The following INSYN2A variants were observed in gnomAD, a reference collection of about 807,000 sequenced individuals.
The protein encoded by INSYN2A is inhibitory synaptic factor 2A, also known as family with sequence similarity 196 member A.
Under a neutral mutation model 39.4 loss-of-function variants are expected in INSYN2A, and 17 were observed. The observed-to-expected ratio is 0.43, with a 90% CI of 0.30 to 0.65. The LOEUF is 0.65. Among genes scored for constraint, INSYN2A ranks in the 30% least tolerant of loss-of-function variants. INSYN2A has a pLI of 0.14. For synonymous variants in INSYN2A, 255 were observed against 265.7 expected, an observed-to-expected ratio of 0.96 and a Z score of 0.39; for missense variants, 595 against 631.2, an observed-to-expected ratio of 0.94 and a Z score of 0.61.
intron 5 of INSYN2A, among the ~76,000 whole-genome samples, chr10:127,151,467 G>A (rs2052477308): frequency 6.6e-6 from 1 of 152,062 alleles, no homozygotes; most frequent in African/African-American, 2.4e-5. Flanking sequence ...CCACTCCAAA[G>A]GGAGTGATTT....
rs745704190 is a variant in INSYN2A, at chr10:127,175,744, C to A, written c.652G>T (p.Glu218Ter). 1 of 1,614,066 alleles carries A rather than the reference C, an allele frequency of 6.2e-7. No homozygotes were observed. The highest frequency in any genetic ancestry group is 8.5e-7 in the Non-Finnish European group (1 of 1,180,026). The change falls in exon 4 of 6, where the codon GAA (glutamate) becomes TAA (stop). Residue 218 changes from glutamate to a stop codon, truncating the protein, a stop_gained. Coordinates refer to ENST00000522781, the MANE Select transcript of INSYN2A (RefSeq NM_001039762.3). LOFTEE classifies it high-confidence loss of function. This position sits in a 1 kb window ranked among gnomAD's most constrained non-coding sequence, Gnocchi z 6.3. ...CCGAGCAGCTGGTAATCGGGCTCTTCGGATGGAGGCCGAGTGGAGTTTTGG... is the reference window on the plus strand; with the variant it reads ...CCGAGCAGCTGGTAATCGGGCTCTTAGGATGGAGGCCGAGTGGAGTTTTGG... ...ALQNSTRPPS[E>*]EPDYQLLGRA... is the part of the protein sequence containing the mutation.
intron 5 of INSYN2A, among the ~76,000 whole-genome samples, chr10:127,144,297 A>AC (rs1028913341): frequency 2.0e-5 from 3 of 148,772 alleles, no homozygotes; most frequent in African/African-American, 7.5e-5. Context: ...AACAAAGTCC[A>AC]CCCTCCCCCC....
At chr10:127,147,395 C>A (rs759522630) in intron 5 of INSYN2A, among the ~76,000 whole-genome samples, 1 of 152,158 alleles carries the variant, frequency 6.6e-6, no homozygotes, top group East Asian at 1.9e-4. Flanking sequence ...CCTCCCTCCA[C>A]GATTATCTTG....
intron 4 of INSYN2A, among the ~76,000 whole-genome samples, chr10:127,169,255 G>A (rs566292031): frequency 7.2e-5 from 11 of 152,262 alleles, no homozygotes; most frequent in South Asian, 2.1e-4. Flanking sequence ...ACAATTAAGC[G>A]TATATTTGAA....
intron 1 of INSYN2A, among the ~76,000 whole-genome samples, chr10:127,195,523 T>TC (rs144810960): frequency 0.12 from 18,387 of 148,118 alleles, 1,356 homozygotes; most frequent in South Asian, 0.21. Context: ...TTCCAACTCA[T>TC]CCCCCCCCCG....
intron 2 of INSYN2A, among the ~76,000 whole-genome samples, chr10:127,190,409 T>A (rs1321761227): frequency 6.6e-6 from 1 of 152,182 alleles, no homozygotes; most frequent in Non-Finnish European, 1.5e-5. Flanking sequence ...CAATCAGGAT[T>A]CCCTGAGTTG....
chr10:127,141,357 G>A (rs930690892), intron 5 of INSYN2A, among the ~76,000 whole-genome samples: 5 of 152,284 alleles, frequency 3.3e-5, no homozygotes, highest in South Asian at 4.1e-4. Flanking sequence ...CTGGGTCCTA[G>A]CAGTTGCCTA....
chr10:127,180,436 A>G (rs1362508124), intron 2 of INSYN2A, among the ~76,000 whole-genome samples: 2 of 152,202 alleles, frequency 1.3e-5, no homozygotes, highest in Non-Finnish European at 2.9e-5. Context: ...GTGTTTTAGA[A>G]TTCATTGGAC....
chr10:127,159,425 A>C (rs559033286), intron 4 of INSYN2A, among the ~76,000 whole-genome samples: 1 of 152,320 alleles, frequency 6.6e-6, no homozygotes, highest in South Asian at 2.1e-4. Context: ...AGTTGTTACT[A>C]TCAGCAATTC....
chr10:127,153,261 G>A (rs1892136), intron 5 of INSYN2A, among the ~76,000 whole-genome samples: 152,326 of 152,362 alleles, frequency 1, 76,145 homozygotes, highest in Non-Finnish European at 1. Context: ...TACTGATGCA[G>A]GCCAAACACA....
At chr10:127,138,106 T>C in intron 5 of INSYN2A, 86 bp from the exon 6 acceptor site, 1 of 1,180,732 alleles carries the variant, frequency 8.5e-7, no homozygotes, top group Non-Finnish European at 1.2e-6. Context: ...TTGGGCATGA[T>C]CAGTGTGTGT....
rs1391959726 is a variant in INSYN2A, at chr10:127,137,175, TGTC to T, written c.*659_*661del. ...CCATTTGGAAAATGAGCAGTAAACA[TGTC>T]GTAAGTCTGGAGATGAAGAGGATGC... On this transcript the variant is annotated 3_prime_UTR_variant, in exon 6 of 6. Transcript: ENST00000522781. 6.6e-6 allele frequency: 1 copy of T among 152,640 alleles called. No individual in the cohort carries two copies. The highest frequency in any genetic ancestry group is 2.4e-5 in the African/African-American group (1 of 41,436). 9.5% of individuals were successfully genotyped at this position (152,640 alleles called of 1,614,324 possible). A position where few individuals can be genotyped will look rare whatever the true frequency, so the allele number is the denominator to read the frequency against.
intron 4 of INSYN2A, among the ~76,000 whole-genome samples, chr10:127,174,699 A>T (rs756300002): frequency 1.8e-4 from 27 of 152,206 alleles, no homozygotes; most frequent in Non-Finnish European, 3.1e-4. Flanking sequence ...ACTGTCTATG[A>T]TGTAAAGCCT....
intron 1 of INSYN2A, among the ~76,000 whole-genome samples, chr10:127,195,707 C>A (rs2057075448): frequency 6.6e-6 from 1 of 152,228 alleles, no homozygotes; most frequent in Non-Finnish European, 1.5e-5. Context: ...CGCAGAGGCG[C>A]AGCCCCGCTC....
chr10:127,138,073 A>T, intron 5 of INSYN2A, 53 bp from the exon 6 acceptor site: 1 of 1,509,446 alleles, frequency 6.6e-7, no homozygotes. Context: ...CCATATGAAG[A>T]TCCCTCTTAG....
chr10:127,191,530 C>T (rs772572481), intron 2 of INSYN2A, among the ~76,000 whole-genome samples: 2 of 152,082 alleles, frequency 1.3e-5, no homozygotes, highest in African/African-American at 2.4e-5. Context: ...GTACAAAATG[C>T]AGGTAGTAAG....
At chr10:127,190,413 T>C (rs1295330577) in intron 2 of INSYN2A, among the ~76,000 whole-genome samples, 2 of 152,182 alleles carry the variant, frequency 1.3e-5, no homozygotes, top group Admixed American at 1.3e-4. Flanking sequence ...CAGGATTCCC[T>C]GAGTTGGTAG....
intron 4 of INSYN2A, among the ~76,000 whole-genome samples, chr10:127,168,967 A>G (rs554911028): frequency 1.3e-5 from 2 of 152,308 alleles, no homozygotes; most frequent in African/African-American, 4.8e-5. Flanking sequence ...TTATCCCCTG[A>G]CAGGTCTCTC....
chr10:127,148,402 G>A (rs777438417), intron 5 of INSYN2A, among the ~76,000 whole-genome samples: 3 of 152,206 alleles, frequency 2.0e-5, no homozygotes, highest in African/African-American at 4.8e-5. Flanking sequence ...ATGAATCTGA[G>A]TCAGAATTCC....
Sources: gnomAD v4.1 joint callset for allele counts (sites outside exome capture counted in the v4.1 genomes callset) on GRCh38, gnomAD v4.1.1 for gene constraint, Gnocchi (gnomAD v3.1) non-coding constraint, MANE v1.5 for transcripts, NCBI Gene and HGNC (gene_info 2026-07-23, HGNC 2026-07-21) for gene names.